SDK1: variants seen among roughly 807,000 people sequenced by gnomAD.
SDK1 encodes the protein protein sidekick-1.
SDK1 carries 157 observed loss-of-function variants against 245.5 expected under a neutral mutation model. That is an observed-to-expected ratio of 0.64 (90% CI 0.56 to 0.73). The LOEUF is 0.73. Among genes scored for constraint, SDK1 ranks in the 30% least tolerant of loss-of-function variants. The pLI, the probability that SDK1 is intolerant of heterozygous loss-of-function variation, is 0.00. For missense variants in SDK1, 3,583 were observed against 3,002.3 expected (o/e 1.19, Z -4.52); for synonymous variants, 1,647 against 1,278.5 (o/e 1.29, Z -6.15).
At chr7:3,390,836 A>G (rs1027228836) in intron 1 of SDK1, among the ~76,000 whole-genome samples, 1 of 152,214 alleles carries the variant, frequency 6.6e-6, no homozygotes, top group Non-Finnish European at 1.5e-5. Flanking sequence ...GAGAATAAAT[A>G]TCTGTTGTTT....
intron 22 of SDK1, among the ~76,000 whole-genome samples, chr7:4,103,496 A>T (rs1782708116): frequency 6.6e-6 from 1 of 152,230 alleles, no homozygotes; most frequent in African/African-American, 2.4e-5. Flanking sequence ...CTCCAGACAA[A>T]AATGTAAACC....
rs551745940 is a variant in SDK1 at position 3,383,082 on chromosome 7, C to T, written c.298+81198C>T. ...ATGTTGTCTTGAATTCTTGCATTTCCGCTAAAAAAAATCCCATTCAAAATT... is the reference window on the plus strand; with the variant it reads ...ATGTTGTCTTGAATTCTTGCATTTCTGCTAAAAAAAATCCCATTCAAAATT... On this transcript the variant is annotated intron_variant, in intron 1 of 44. Coordinates refer to ENST00000404826, the MANE Select transcript of SDK1 (RefSeq NM_152744.4). 4.6e-5 allele frequency among the ~76,000 whole-genome samples: 7 copies of T among 152,156 alleles called. 1 individual carries two copies. The highest frequency in any genetic ancestry group is 3.9e-4 in the Admixed American group (6 of 15,280).
At chr7:4,178,777 C>T (rs145084039) in intron 35 of SDK1, among the ~76,000 whole-genome samples, 191 bp downstream of exon 35, 2 of 152,348 alleles carry the variant, frequency 1.3e-5, no homozygotes, top group Non-Finnish European at 1.5e-5. Flanking sequence ...AATTTCCTGA[C>T]AGCTTCAGTG....
chr7:4,210,354 G>A (rs1228337624), intron 38 of SDK1, among the ~76,000 whole-genome samples, 192 bp downstream of exon 38: 3 of 152,204 alleles, frequency 2.0e-5, no homozygotes, highest in Non-Finnish European at 4.4e-5. Context: ...CGCGGGGAAA[G>A]GCCTGTGAGG....
chr7:3,731,118 C>G (rs555757243), intron 4 of SDK1, among the ~76,000 whole-genome samples: 1 of 152,264 alleles, frequency 6.6e-6, no homozygotes, highest in South Asian at 2.1e-4. Flanking sequence ...GGTGTTTCTG[C>G]TAGTCTGCAC....
chr7:4,241,960 C>T, intron 43 of SDK1, 47 bp downstream of exon 43: 1 of 1,601,206 alleles, frequency 6.2e-7, no homozygotes, highest in Non-Finnish European at 8.5e-7. Context: ...TCTGAGCTGC[C>T]AGGGCTGGGG....
chr7:3,463,016 C>A (rs1442953491), intron 1 of SDK1, among the ~76,000 whole-genome samples: 2 of 152,176 alleles, frequency 1.3e-5, no homozygotes, highest in South Asian at 2.1e-4. Context: ...CCCTTCCTTT[C>A]CTCTGAGAGG....
chr7:3,329,994 A>T (rs1390600471), intron 1 of SDK1, among the ~76,000 whole-genome samples: 2 of 152,218 alleles, frequency 1.3e-5, no homozygotes, highest in African/African-American at 2.4e-5. Context: ...AGGTCCTGGA[A>T]CCAATCCGCT....
intron 4 of SDK1, among the ~76,000 whole-genome samples, chr7:3,757,984 G>T (rs1166348158): frequency 1.3e-5 from 2 of 152,102 alleles, no homozygotes; most frequent in African/African-American, 2.4e-5. Flanking sequence ...AATTCCATAC[G>T]TTTTAGTAGC....
intron 19 of SDK1, among the ~76,000 whole-genome samples, chr7:4,061,988 G>A (rs1164533613): frequency 8.8e-6 from 1 of 113,262 alleles, no homozygotes; most frequent in Non-Finnish European, 1.7e-5. Flanking sequence ...GTTGTGGGGT[G>A]GGGGGAGGGG....
intron 2 of SDK1, among the ~76,000 whole-genome samples, chr7:3,631,882 T>G (rs750041579): frequency 7.2e-5 from 11 of 152,220 alleles, no homozygotes; most frequent in Non-Finnish European, 1.3e-4. Context: ...AGTGGGAGCT[T>G]TTAAAATTTA....
At chr7:3,330,955 G>A (rs1428235010) in intron 1 of SDK1, among the ~76,000 whole-genome samples, 2 of 151,706 alleles carry the variant, frequency 1.3e-5, no homozygotes, top group African/African-American at 4.8e-5. Context: ...GACAGAGTAA[G>A]ACCCTGTCTC....
intron 1 of SDK1, among the ~76,000 whole-genome samples, chr7:3,457,763 C>T (rs1377564096): frequency 6.6e-6 from 1 of 152,136 alleles, no homozygotes; most frequent in Non-Finnish European, 1.5e-5. Flanking sequence ...CTCATCTTGG[C>T]ACCTCACACC....
chr7:3,447,040 G>T (rs896449611), intron 1 of SDK1, among the ~76,000 whole-genome samples: 3 of 152,102 alleles, frequency 2.0e-5, no homozygotes, highest in African/African-American at 7.2e-5. Flanking sequence ...CTATTTTTGT[G>T]CAAGGGACCG....
At chr7:3,733,903 C>T (rs898942890) in intron 4 of SDK1, among the ~76,000 whole-genome samples, 1 of 150,940 alleles carries the variant, frequency 6.6e-6, no homozygotes, top group East Asian at 1.9e-4. Context: ...GTTCTGGAGT[C>T]TGCCCAGAGC....
At chr7:3,535,952 T>C (rs1218078043) in intron 1 of SDK1, among the ~76,000 whole-genome samples, 1 of 152,168 alleles carries the variant, frequency 6.6e-6, no homozygotes, top group Non-Finnish European at 1.5e-5. Flanking sequence ...TACTAGTCAA[T>C]ATCTAGTACT....
intron 4 of SDK1, among the ~76,000 whole-genome samples, chr7:3,748,681 T>A (rs1296426911): frequency 6.6e-6 from 1 of 152,202 alleles, no homozygotes; most frequent in Admixed American, 6.5e-5. Flanking sequence ...ACTGTAAAAA[T>A]TCTCTTTTGG....
At chr7:3,810,965 G>A (rs1266303245) in intron 4 of SDK1, among the ~76,000 whole-genome samples, 1 of 152,140 alleles carries the variant, frequency 6.6e-6, no homozygotes, top group Non-Finnish European at 1.5e-5. Flanking sequence ...ATAATTCAGT[G>A]ACCGAGCTGT....
At chr7:3,662,315 G>C (rs908614564) in intron 4 of SDK1, among the ~76,000 whole-genome samples, 5 of 152,096 alleles carry the variant, frequency 3.3e-5, no homozygotes, top group African/African-American at 1.2e-4. Context: ...TCTTCAAAAA[G>C]ACATCCTGTC....
Sources: allele counts gnomAD v4.1 joint callset (sites outside exome capture counted in the v4.1 genomes callset), GRCh38; gene constraint gnomAD v4.1.1; transcripts MANE v1.5; gene names NCBI Gene and HGNC (gene_info 2026-07-23, HGNC 2026-07-21).